The following DCC variants were observed in gnomAD, a reference collection of about 807,000 sequenced individuals.
DCC encodes the protein DCC netrin 1 receptor, also known as netrin receptor DCC.
In DCC, 58 loss-of-function variants were observed where a neutral mutation model predicts 172.5. That is an observed-to-expected ratio of 0.34 (90% CI 0.27 to 0.42). DCC has a LOEUF of 0.42. DCC is among the 10% of genes least tolerant of loss of function. The probability of loss-of-function intolerance (pLI) is 1.00; values close to 1 mark genes in which losing one functional copy is unlikely to be tolerated. For missense variants in DCC, 1,740 were observed against 1,791.0 expected, an observed-to-expected ratio of 0.97 and a Z score of 0.51; for synonymous variants, 709 against 644.5, an observed-to-expected ratio of 1.10 and a Z score of -1.52.
intron 7 of DCC, among the ~76,000 whole-genome samples, chr18:53,090,925 C>T (rs73465158): frequency 6.6e-5 from 10 of 151,848 alleles, no homozygotes; most frequent in Admixed American, 4.6e-4. Context: ...TCTATAGAAG[C>T]ATGTGTCCTG....
chr18:52,510,486 C>T (rs1315317661), intron 1 of DCC, among the ~76,000 whole-genome samples: 1 of 152,030 alleles, frequency 6.6e-6, no homozygotes, highest in Non-Finnish European at 1.5e-5. Flanking sequence ...TTAATAAACA[C>T]TGGGTTGCCC....
At chr18:53,249,736 A>G (rs893727558) in intron 12 of DCC, among the ~76,000 whole-genome samples, 1 of 151,994 alleles carries the variant, frequency 6.6e-6, no homozygotes, top group Non-Finnish European at 1.5e-5. Flanking sequence ...TTATATTGTT[A>G]GATTTCTTTC....
chr18:53,455,223 C>G (rs894039868), intron 23 of DCC, among the ~76,000 whole-genome samples: 4 of 152,116 alleles, frequency 2.6e-5, no homozygotes, highest in Non-Finnish European at 5.9e-5. Flanking sequence ...GTCTTTTAAC[C>G]ACGGGAATTA....
chr18:52,781,458 C>T (rs936779862), intron 2 of DCC, among the ~76,000 whole-genome samples: 17 of 152,090 alleles, frequency 1.1e-4, no homozygotes, highest in African/African-American at 2.9e-4. Context: ...TTATAGTCAA[C>T]GTGTGTTGAA....
chr18:53,207,922 A>T, intron 11 of DCC, 105 bp downstream of exon 11: 1 of 1,093,926 alleles, frequency 9.1e-7, no homozygotes, highest in East Asian at 2.4e-5. Context: ...AGGCTTCCTG[A>T]CTAAAATTTT....
chr18:52,779,813 C>T (rs2037501458), intron 2 of DCC, among the ~76,000 whole-genome samples: 1 of 152,242 alleles, frequency 6.6e-6, no homozygotes, highest in African/African-American at 2.4e-5. Flanking sequence ...TCTCCAGCAT[C>T]TGTTGCTTCC....
intron 2 of DCC, among the ~76,000 whole-genome samples, chr18:52,820,198 A>C (rs1467268591): frequency 6.6e-6 from 1 of 152,202 alleles, no homozygotes; most frequent in Non-Finnish European, 1.5e-5. Flanking sequence ...CAAGCAGAGT[A>C]AATGACCAAG....
chr18:53,337,549 C>A (rs1002198342), intron 14 of DCC, among the ~76,000 whole-genome samples: 1 of 152,114 alleles, frequency 6.6e-6, no homozygotes, highest in Non-Finnish European at 1.5e-5. Flanking sequence ...CGTTTTGAGA[C>A]ATAATTTTTT....
chr18:52,655,546 T>C (rs2035228368), intron 1 of DCC, among the ~76,000 whole-genome samples: 1 of 152,120 alleles, frequency 6.6e-6, no homozygotes, highest in African/African-American at 2.4e-5. Context: ...GGATATTGTT[T>C]TACTTTGCCT....
intron 1 of DCC, among the ~76,000 whole-genome samples, chr18:52,391,004 T>C (rs1317028157): frequency 1.3e-5 from 2 of 152,102 alleles, no homozygotes; most frequent in East Asian, 3.9e-4. Context: ...TAGAACATCT[T>C]GTTACAGATT....
intron 12 of DCC, among the ~76,000 whole-genome samples, chr18:53,229,452 C>T (rs760773853): frequency 6.6e-6 from 1 of 152,096 alleles, no homozygotes; most frequent in African/African-American, 2.4e-5. Context: ...TTACATGTAA[C>T]AGTTCCTCAT....
At chr18:52,375,689 G>A (rs1354025156) in intron 1 of DCC, among the ~76,000 whole-genome samples, 1 of 152,102 alleles carries the variant, frequency 6.6e-6, no homozygotes, top group African/African-American at 2.4e-5. Context: ...TGGAAGTATA[G>A]TGGCCAGAAA....
At chr18:52,767,489 C>A (rs1266027764) in intron 2 of DCC, among the ~76,000 whole-genome samples, 1 of 152,180 alleles carries the variant, frequency 6.6e-6, no homozygotes, top group East Asian at 1.9e-4. Flanking sequence ...TCAAGAGACT[C>A]ATGCTTATTA....
chr18:52,586,137 A>G (rs1047174435), intron 1 of DCC, among the ~76,000 whole-genome samples: 1 of 151,874 alleles, frequency 6.6e-6, no homozygotes, highest in Admixed American at 6.6e-5. Flanking sequence ...TAGCAGTCAT[A>G]CACATGGTAG....
At chr18:52,500,632 G>C (rs1044441845) in intron 1 of DCC, among the ~76,000 whole-genome samples, 1 of 152,092 alleles carries the variant, frequency 6.6e-6, no homozygotes, top group Non-Finnish European at 1.5e-5. Context: ...AACTTTAGAT[G>C]AATACAATTT....
chr18:53,071,330 T>G (rs1308792536), intron 7 of DCC, among the ~76,000 whole-genome samples: 1 of 152,214 alleles, frequency 6.6e-6, no homozygotes, highest in Non-Finnish European at 1.5e-5. Flanking sequence ...GAAAAATATT[T>G]GAAATGTATG....
chr18:52,534,988 G>T (rs1410207023), intron 1 of DCC, among the ~76,000 whole-genome samples: 6 of 152,078 alleles, frequency 3.9e-5, no homozygotes, highest in African/African-American at 1.2e-4. Context: ...AACTTCAGTT[G>T]CCCCTTTACC....
intron 5 of DCC, among the ~76,000 whole-genome samples, chr18:52,945,200 C>T (rs548815961): frequency 6.6e-6 from 1 of 152,192 alleles, no homozygotes; most frequent in Admixed American, 6.5e-5. Context: ...CTATTGTTTC[C>T]TTTAAAAATA....
chr18:53,212,380 C>T (rs564714743), intron 11 of DCC, among the ~76,000 whole-genome samples: 85 of 152,182 alleles, frequency 5.6e-4, no homozygotes, highest in Middle Eastern at 6.8e-3. Context: ...AAAGAACAAT[C>T]GATATGGATT....
Sources: allele counts gnomAD v4.1 joint callset (sites outside exome capture counted in the v4.1 genomes callset), GRCh38; gene constraint gnomAD v4.1.1; transcripts MANE v1.5; gene names NCBI Gene and HGNC (gene_info 2026-07-23, HGNC 2026-07-21).